BLTP3B: variants seen among roughly 807,000 people sequenced by gnomAD.
BLTP3B encodes the protein UHRF1 (ICBP90) binding protein 1-like.
the BLTP3B span, chr12:100,104,035 T>A: frequency 1.0e-6 from 1 of 978,710 alleles, no homozygotes. Flanking sequence ...GTTATATTAA[T>A]ATAGGACAGA....
the BLTP3B span, among the ~76,000 whole-genome samples, chr12:100,139,811 A>C: frequency 6.6e-6 from 1 of 152,242 alleles, no homozygotes; most frequent in Admixed American, 6.5e-5. Flanking sequence ...ACAAAAATAC[A>C]TAAAGAAATA....
the BLTP3B span, among the ~76,000 whole-genome samples, chr12:100,087,487 G>A: frequency 1.3e-5 from 2 of 152,106 alleles, no homozygotes; most frequent in Non-Finnish European, 2.9e-5. Flanking sequence ...TAGATTTCAC[G>A]ACAGTAATAT....
chr12:100,142,514 G>T, the BLTP3B span: 1 of 1,505,158 alleles, frequency 6.6e-7, no homozygotes, highest in Non-Finnish European at 9.0e-7. Context: ...AGGCGCCGCC[G>T]CCCCCGAAGC....
the BLTP3B span, among the ~76,000 whole-genome samples, chr12:100,071,907 T>A: frequency 6.6e-6 from 1 of 152,242 alleles, no homozygotes; most frequent in African/African-American, 2.4e-5. Flanking sequence ...CTTTCATTGA[T>A]TCTTTAACAA....
chr12:100,098,227 TC>T, the BLTP3B span: 1 of 1,038,208 alleles, frequency 9.6e-7, no homozygotes, highest in Non-Finnish European at 1.3e-6. Flanking sequence ...CCCCGCACCC[TC>T]CCCAAAAAAA....
At chr12:100,045,469 CA>C in the BLTP3B span, among the ~76,000 whole-genome samples, 1 of 152,090 alleles carries the variant, frequency 6.6e-6, no homozygotes, top group African/African-American at 2.4e-5. Context: ...CAAAAACAAG[CA>C]ATAGGGAAAG....
At chr12:100,062,626 A>C in the BLTP3B span, among the ~76,000 whole-genome samples, 6 of 152,220 alleles carry the variant, frequency 3.9e-5, no homozygotes, top group African/African-American at 1.4e-4. Flanking sequence ...TTATAGAATG[A>C]GATTATAATT....
the BLTP3B span, among the ~76,000 whole-genome samples, chr12:100,138,998 C>A: frequency 3.9e-5 from 6 of 152,112 alleles, no homozygotes; most frequent in Non-Finnish European, 7.3e-5. Context: ...CCTAGAAAAC[C>A]CTCCCAAAAT....
chr12:100,135,977 C>A, the BLTP3B span, among the ~76,000 whole-genome samples: 3 of 152,208 alleles, frequency 2.0e-5, no homozygotes, highest in African/African-American at 7.2e-5. Flanking sequence ...CTTTGGGAGG[C>A]CAAAGTGGGT....
At chr12:100,103,634 T>C in the BLTP3B span, among the ~76,000 whole-genome samples, 1 of 152,092 alleles carries the variant, frequency 6.6e-6, no homozygotes, top group African/African-American at 2.4e-5. Flanking sequence ...GAAAGAATAA[T>C]CCCATAGTAC....
chr12:100,041,385 G>A, the BLTP3B span, among the ~76,000 whole-genome samples: 6 of 145,014 alleles, frequency 4.1e-5, no homozygotes, highest in Non-Finnish European at 6.0e-5. Context: ...CTCTTTTCCT[G>A]TTGGCCAGAA....
the BLTP3B span, among the ~76,000 whole-genome samples, chr12:100,073,552 G>A: frequency 5.3e-5 from 8 of 150,006 alleles, no homozygotes; most frequent in African/African-American, 7.4e-5. Context: ...TACTTTCAAT[G>A]GCAAAAACCT....
the BLTP3B span, among the ~76,000 whole-genome samples, chr12:100,104,884 C>CAAA: frequency 2.7e-4 from 18 of 66,024 alleles, no homozygotes; most frequent in South Asian, 8.2e-4. Context: ...ACTGCTACTA[C>CAAA]AAAAAAAAAA....
At chr12:100,111,592 T>TG in the BLTP3B span, among the ~76,000 whole-genome samples, 2 of 150,678 alleles carry the variant, frequency 1.3e-5, no homozygotes, top group Non-Finnish European at 2.9e-5. Flanking sequence ...GCTAGTTTTT[T>TG]GTTTTTTTTT....
chr12:100,048,043 G>A, the BLTP3B span: 1 of 1,612,004 alleles, frequency 6.2e-7, no homozygotes, highest in Non-Finnish European at 8.5e-7. Context: ...AAGAGAAGAT[G>A]TAAGAAACTC....
the BLTP3B span, among the ~76,000 whole-genome samples, chr12:100,056,698 C>G: frequency 6.6e-6 from 1 of 151,716 alleles, no homozygotes; most frequent in African/African-American, 2.4e-5. Context: ...ATTAGCCAGG[C>G]ATGGTGGTGC....
At chr12:100,108,376 A>G in the BLTP3B span, 7 of 1,605,920 alleles carry the variant, frequency 4.4e-6, no homozygotes, top group Non-Finnish European at 8.5e-7. Context: ...CACAGATATC[A>G]AAGTCTCACC....
chr12:100,059,473 T>C, the BLTP3B span: 3 of 1,612,718 alleles, frequency 1.9e-6, no homozygotes, highest in East Asian at 2.2e-5. Flanking sequence ...GAACTCTGAA[T>C]AGAAATTGCA....
chr12:100,039,642 T>G, the BLTP3B span: 1 of 1,613,876 alleles, frequency 6.2e-7, no homozygotes, highest in East Asian at 2.2e-5. Flanking sequence ...GTTAGCTGAC[T>G]GAGAAGGCCA....
Sources: allele counts gnomAD v4.1 joint callset (sites outside exome capture counted in the v4.1 genomes callset), GRCh38; gene constraint gnomAD v4.1.1; transcripts MANE v1.5; gene names NCBI Gene and HGNC (gene_info 2026-07-23, HGNC 2026-07-21).